The following MPP7 variants were observed in gnomAD, a reference collection of about 807,000 sequenced individuals.
MPP7 encodes the protein MAGUK p55 subfamily member 7.
In MPP7, 60 loss-of-function variants were observed where a neutral mutation model predicts 76.5. The observed-to-expected ratio is 0.78, with a 90% CI of 0.64 to 0.97. MPP7 has a LOEUF of 0.97. Among genes scored for constraint, MPP7 ranks in the 50% least tolerant of loss-of-function variants. The pLI is 0.00. For synonymous variants in MPP7, 237 were observed against 244.5 expected (o/e 0.97, Z 0.29); for missense variants, 641 against 694.0 (o/e 0.92, Z 0.86).
chr10:28,205,572 T>C (rs1247883935), intron 2 of MPP7, among the ~76,000 whole-genome samples: 3 of 152,144 alleles, frequency 2.0e-5, no homozygotes, highest in Admixed American at 6.5e-5. Context: ...TAGCTATGAA[T>C]GAAACACTCC....
chr10:28,087,440 G>A (rs778222770), intron 12 of MPP7, among the ~76,000 whole-genome samples: 2 of 151,196 alleles, frequency 1.3e-5, no homozygotes, highest in Admixed American at 6.6e-5. Context: ...CTGTTGCCCC[G>A]GCTGGAGTAC....
chr10:28,067,462 T>A (rs547766669), intron 13 of MPP7, among the ~76,000 whole-genome samples: 1 of 152,354 alleles, frequency 6.6e-6, no homozygotes, highest in South Asian at 2.1e-4. Flanking sequence ...TAGAACTCCA[T>A]GAGAATCTTA....
At chr10:28,190,794 G>A (rs1373193979) in intron 3 of MPP7, among the ~76,000 whole-genome samples, 4 of 151,024 alleles carry the variant, frequency 2.6e-5, no homozygotes, top group Non-Finnish European at 5.9e-5. Flanking sequence ...CAGACAATAA[G>A]AGCAAAAATT....
At chr10:28,236,706 G>A (rs555525517) in intron 2 of MPP7, 1 of 152,236 alleles carries the variant, frequency 6.6e-6, no homozygotes, top group Non-Finnish European at 1.5e-5. Context: ...TTTCCCAAAT[G>A]AGCAATCCAT....
At chr10:28,275,965 A>G (rs1401474464) in intron 1 of MPP7, among the ~76,000 whole-genome samples, 2 of 151,934 alleles carry the variant, frequency 1.3e-5, no homozygotes, top group Non-Finnish European at 2.9e-5. Context: ...AGAACCTAGC[A>G]CATAGTAGGT....
intron 2 of MPP7, among the ~76,000 whole-genome samples, chr10:28,222,041 A>C (rs1838526826): frequency 6.6e-6 from 1 of 152,162 alleles, no homozygotes; most frequent in Non-Finnish European, 1.5e-5. Context: ...TTGAAGGACA[A>C]AAAAGTTCAT....
chr10:28,289,804 G>A (rs1044860408), intron 1 of MPP7, among the ~76,000 whole-genome samples: 8 of 152,082 alleles, frequency 5.3e-5, no homozygotes, highest in Non-Finnish European at 1.0e-4. Context: ...TTCCCAAAAA[G>A]GCCGAAACAT....
At chr10:28,059,467 TA>T (rs1280925668) in intron 14 of MPP7, 182 bp downstream of exon 14, 4 of 502,162 alleles carry the variant, frequency 8.0e-6, no homozygotes, top group Non-Finnish European at 1.4e-5. Flanking sequence ...TCCAGGTTAC[TA>T]AAAAATTAGA....
intron 5 of MPP7, among the ~76,000 whole-genome samples, chr10:28,133,984 C>T (rs966835974): frequency 7.2e-5 from 11 of 151,950 alleles, no homozygotes; most frequent in African/African-American, 1.2e-4. Context: ...GGTTGTTTTC[C>T]GTTCTTGGCT....
chr10:28,077,131 T>C (rs1382298755), intron 12 of MPP7, among the ~76,000 whole-genome samples: 1 of 151,822 alleles, frequency 6.6e-6, no homozygotes, highest in Non-Finnish European at 1.5e-5. Context: ...ACTAGGTATA[T>C]TTGAATTAGT....
chr10:28,166,847 T>C (rs975467920), intron 3 of MPP7, among the ~76,000 whole-genome samples: 5 of 152,214 alleles, frequency 3.3e-5, no homozygotes, highest in Non-Finnish European at 7.3e-5. Context: ...CTTGCTTTTT[T>C]CCCCCTTCAA....
intron 11 of MPP7, among the ~76,000 whole-genome samples, chr10:28,116,954 T>G (rs982826455): frequency 1.3e-5 from 2 of 152,110 alleles, no homozygotes; most frequent in Non-Finnish European, 2.9e-5. Context: ...TTACTTACCT[T>G]GGAGCCAAGA....
chr10:28,120,713 G>A, intron 8 of MPP7, 45 bp from the exon 9 acceptor site: 2 of 1,469,360 alleles, frequency 1.4e-6, no homozygotes, highest in Non-Finnish European at 1.9e-6. Flanking sequence ...CCAGACCCAA[G>A]GAAGAATAAG....
At chr10:28,259,202 T>C (rs917190463) in intron 1 of MPP7, among the ~76,000 whole-genome samples, 1 of 152,318 alleles carries the variant, frequency 6.6e-6, no homozygotes, top group South Asian at 2.1e-4. Flanking sequence ...ATTTTTACAT[T>C]ACATACAAAA....
Position 28,059,686 on chromosome 10 carries a change from G to T in MPP7, c.1262C>A (p.Ser421Tyr). Residue 421 changes from serine to tyrosine, a missense_variant, in exon 14 of 17, where the codon TCC (serine) becomes TAC (tyrosine). By Grantham distance (144) the Ser-to-Tyr change is moderately radical. Transcript: ENST00000683449. Reference protein sequence around the residue: ...ESDGVEYIFISKHLFETDVQN... With the variant: ...ESDGVEYIFIYKHLFETDVQN... ...TACATCTGTCTCAAACAAATGCTTG[G>T]AAATGAAAATGTATTCAACACCATC... 1 of 1,613,414 alleles carries T rather than the reference G, an allele frequency of 6.2e-7. No homozygotes were observed. The highest frequency in any genetic ancestry group is 1.1e-5 in the South Asian group (1 of 91,046).
chr10:28,306,493 T>C (rs1031134656), upstream of MPP7, among the ~76,000 whole-genome samples: 2 of 151,878 alleles, frequency 1.3e-5, no homozygotes, highest in Non-Finnish European at 2.9e-5. Flanking sequence ...ACAAAAAATT[T>C]AAAAATTAGC....
chr10:28,326,765 T>G (rs949721240), intron 2 of MPP7, among the ~76,000 whole-genome samples: 6 of 152,200 alleles, frequency 3.9e-5, no homozygotes, highest in African/African-American at 1.4e-4. Context: ...CAAAGCCAAG[T>G]GGCAGAAAGT....
chr10:28,162,877 C>T (rs186498478), intron 3 of MPP7, among the ~76,000 whole-genome samples: 13 of 151,960 alleles, frequency 8.6e-5, no homozygotes. Context: ...CTCTCTTTCT[C>T]TCTCTCTCTC....
At chr10:28,247,137 A>G (rs1839462812) in intron 1 of MPP7, among the ~76,000 whole-genome samples, 1 of 152,214 alleles carries the variant, frequency 6.6e-6, no homozygotes, top group Admixed American at 6.5e-5. Context: ...TTTCCTAAGT[A>G]CTAATTAATA....
Sources: gnomAD v4.1 joint callset for allele counts (sites outside exome capture counted in the v4.1 genomes callset) on GRCh38, gnomAD v4.1.1 for gene constraint, MANE v1.5 for transcripts, NCBI Gene and HGNC (gene_info 2026-07-23, HGNC 2026-07-21) for gene names.